ARF4: variants seen among roughly 807,000 people sequenced by gnomAD.
The protein encoded by ARF4 is ARF GTPase 4, also known as ADP-ribosylation factor 4.
A neutral mutation model predicts 24.3 loss-of-function variants in ARF4; 5 were observed. The observed-to-expected ratio is 0.21, with a 90% confidence interval of 0.11 to 0.43. ARF4 has a LOEUF of 0.43. Ranked by LOEUF, ARF4 falls within the 20% of genes least tolerant of loss-of-function variation. The pLI, the probability that ARF4 is intolerant of heterozygous loss-of-function variation, is 1.00. For synonymous variants in ARF4, 62 were observed against 73.5 expected, an observed-to-expected ratio of 0.84 and a Z score of 0.80; for missense variants, 107 against 213.0, an observed-to-expected ratio of 0.50 and a Z score of 3.10.
intron 3 of ARF4, among the ~76,000 whole-genome samples, chr3:57,579,035 G>C (rs1414644625): frequency 6.6e-6 from 1 of 151,772 alleles, no homozygotes; most frequent in South Asian, 2.1e-4. Flanking sequence ...GGTGGCTTTC[G>C]CCTGTAATCC....
At chr3:57,573,527 A>C (rs572734014) in intron 5 of ARF4, among the ~76,000 whole-genome samples, 2 of 152,186 alleles carry the variant, frequency 1.3e-5, no homozygotes, top group East Asian at 3.8e-4. Context: ...TCATACCTTC[A>C]CAGCATGGAA....
chr3:57,581,555 C>A (rs1358910157), intron 3 of ARF4, among the ~76,000 whole-genome samples: 1 of 152,208 alleles, frequency 6.6e-6, no homozygotes, highest in Non-Finnish European at 1.5e-5. Context: ...AATCCCAGCA[C>A]TTTGGGAAGC....
rs567392195 is a variant in ARF4, at chr3:57,575,412, C to T, written c.456+136G>A. 11 of 841,618 alleles carry T rather than the reference C, an allele frequency of 1.3e-5. No homozygotes were observed. The South Asian group carries it at 3.4e-4, about 26-fold the overall frequency. The allele number at this position is 841,618 out of a possible 1,614,324, so 52.1% of individuals were successfully genotyped here. On this transcript the variant is annotated intron_variant, in intron 5 of 5. Coordinates refer to ENST00000303436, the MANE Select transcript of ARF4 (RefSeq NM_001660.4). ...CAAATAAGGTATTTAAAGTTTATTA[C>T]CATATTTTTAAATAAATGATGTGCT...
Position 57,573,825 on chromosome 3 carries a change from G to A in ARF4, c.457-1527C>T, listed in dbSNP as rs144458925. Among the ~76,000 whole-genome samples, 28 of 152,208 alleles carry A rather than the reference G, an allele frequency of 1.8e-4. 1 individual carries two copies. The highest frequency in any genetic ancestry group is 1.4e-3 in the East Asian group (7 of 5,164). ...TCGAACTCCTGGTCTCAAGTGATCCGCCCACCTTCGCCTCCCAAAGTGCTG... is the reference window on the plus strand; with the variant it reads ...TCGAACTCCTGGTCTCAAGTGATCCACCCACCTTCGCCTCCCAAAGTGCTG... On this transcript the variant is annotated intron_variant, in intron 5 of 5. Coordinates refer to ENST00000303436, the MANE Select transcript of ARF4 (RefSeq NM_001660.4).
intron 1 of ARF4, among the ~76,000 whole-genome samples, chr3:57,585,022 C>T (rs950700965): frequency 3.3e-5 from 5 of 152,064 alleles, no homozygotes; most frequent in African/African-American, 1.2e-4. Context: ...CACCACCACG[C>T]CCGGCTAATT....
At chr3:57,580,822 A>C (rs1371028675) in intron 3 of ARF4, among the ~76,000 whole-genome samples, 1 of 149,122 alleles carries the variant, frequency 6.7e-6, no homozygotes, top group East Asian at 2.0e-4. Context: ...TATGTTCCCC[A>C]GGCTGGCCTC....
At chr3:57,585,443 T>A (rs1310466345) in intron 1 of ARF4, among the ~76,000 whole-genome samples, 1 of 152,052 alleles carries the variant, frequency 6.6e-6, no homozygotes, top group Non-Finnish European at 1.5e-5. Flanking sequence ...ATTTCAACAT[T>A]AAATGTGCCA....
At chr3:57,596,185 TAA>T (rs2070180386) in intron 1 of ARF4, among the ~76,000 whole-genome samples, 1 of 152,148 alleles carries the variant, frequency 6.6e-6, no homozygotes, top group Non-Finnish European at 1.5e-5. Flanking sequence ...AAGTAGTTTT[TAA>T]AAAGTCAACT....
intron 1 of ARF4, among the ~76,000 whole-genome samples, chr3:57,589,713 G>C (rs113502120): frequency 6.6e-6 from 1 of 151,454 alleles, no homozygotes; most frequent in Non-Finnish European, 1.5e-5. Flanking sequence ...GCGAGACTCC[G>C]TCTCAAAAAA....
intron 3 of ARF4, among the ~76,000 whole-genome samples, chr3:57,579,304 GACTAT>G (rs1413922088): frequency 1.4e-5 from 2 of 143,326 alleles, no homozygotes; most frequent in East Asian, 2.1e-4. Flanking sequence ...AAGGGCAAAG[GACTAT>G]ACTATATCTT....
chr3:57,573,212 A>AC (rs945995811), intron 5 of ARF4, among the ~76,000 whole-genome samples: 1 of 151,700 alleles, frequency 6.6e-6, no homozygotes, highest in Non-Finnish European at 1.5e-5. Flanking sequence ...AAAAAAAAAA[A>AC]AAAGAAAGAA....
chr3:57,575,332 C>T (rs1244323368), intron 5 of ARF4, among the ~76,000 whole-genome samples: 2 of 149,690 alleles, frequency 1.3e-5, no homozygotes, highest in East Asian at 1.9e-4. Context: ...AAAAAAGAAA[C>T]TATCAATAAT....
intron 3 of ARF4, among the ~76,000 whole-genome samples, chr3:57,581,928 G>A (rs2069977878): frequency 6.6e-6 from 1 of 152,176 alleles, no homozygotes; most frequent in Non-Finnish European, 1.5e-5. Flanking sequence ...CTATTTGTAG[G>A]TGTACAGATT....
Position 57,597,128 on chromosome 3 carries a change from TAGTG to T in ARF4, c.9_12del (p.Thr4SerfsTer17). 3 of 1,613,810 alleles carry T rather than the reference TAGTG, an allele frequency of 1.9e-6. No homozygotes were observed. Among genetic ancestry groups the T allele is most frequent in the Non-Finnish European group, 2.5e-6 (3 of 1,179,898 alleles). ...AATAGTCGGGAGAAGAGGGAGGAGA[TAGTG>T]AGGCCCATGGCGGTAGTGGCACTTG... On this transcript the variant is annotated frameshift_variant, in exon 1 of 6. Coordinates refer to ENST00000303436, the MANE Select transcript of ARF4 (RefSeq NM_001660.4). LOFTEE classifies it high-confidence loss of function.
chr3:57,577,426 C>T (rs375060445), intron 3 of ARF4, 39 bp from the exon 4 acceptor site: 132 of 1,518,470 alleles, frequency 8.7e-5, no homozygotes, highest in South Asian at 4.9e-4. Flanking sequence ...AACAGTTAAA[C>T]GACACTCTCT....
chr3:57,575,580 T>C lies in ARF4; in HGVS notation c.424A>G (p.Lys142Glu). The C allele has an allele frequency of 1.2e-6, 2 of 1,613,578 alleles. No individual in the cohort carries two copies. Among genetic ancestry groups the C allele is most frequent in the Non-Finnish European group, 1.7e-6 (2 of 1,179,856 alleles). Residue 142 changes from lysine to glutamate, a missense_variant, in exon 5 of 6, where the codon AAA (lysine) becomes GAA (glutamate). Physicochemically the swap from Lys to Glu is moderately conservative, Grantham distance 56. Transcript: ENST00000303436. ...TTACGAAGAGACTGAAGCCCTAGTT[T>C]ATCTGTCATTTCACTGATGGCCATA... ...NAMAISEMTD[K>E]LGLQSLRNRT...
chr3:57,585,974 A>G (rs114558119), intron 1 of ARF4, among the ~76,000 whole-genome samples: 77 of 152,190 alleles, frequency 5.1e-4, no homozygotes, highest in African/African-American at 1.8e-3. Flanking sequence ...AATTCTTAAA[A>G]TGATTCAGTT....
intron 4 of ARF4, 152 bp from the exon 5 acceptor site, chr3:57,575,825 T>C: frequency 3.6e-6 from 3 of 834,518 alleles, no homozygotes; most frequent in East Asian, 6.0e-5. Context: ...TGAAGTCTCA[T>C]ATCCTTCAGT....
Position 57,575,620 on chromosome 3 carries a change from C to T in ARF4, c.384G>A (p.Gln128=), listed in dbSNP as rs1421223700. 4 of 1,613,570 alleles carry T rather than the reference C, an allele frequency of 2.5e-6. No individual in the cohort carries two copies. The highest frequency in any genetic ancestry group is 3.4e-6 in the Non-Finnish European group (4 of 1,179,828). The part of the protein sequence containing the change: ...DAVLLLFANK[Q]DLPNAMAISE... The stretch of plus-strand genomic sequence containing the variant: ...TGATGGCCATAGCATTTGGCAAATC[C>T]TGTTTGTTTGCAAAAAGTAGCAGCA... Residue 128 remains glutamine (Q), a synonymous_variant, in exon 5 of 6, where the codon CAG becomes CAA. Transcript: ENST00000303436.
Sources: gnomAD v4.1 joint callset for allele counts (sites outside exome capture counted in the v4.1 genomes callset) on GRCh38, gnomAD v4.1.1 for gene constraint, MANE v1.5 for transcripts, NCBI Gene and HGNC (gene_info 2026-07-23, HGNC 2026-07-21) for gene names.